The following VWF variants were observed in gnomAD, a reference collection of about 807,000 sequenced individuals.
The protein encoded by VWF is von Willebrand factor.
A neutral mutation model predicts 308.6 loss-of-function variants in VWF; 176 were observed. The ratio of observed to expected loss-of-function variants is 0.57; its 90% CI spans 0.50 to 0.65. VWF has a LOEUF of 0.65. VWF is among the 30% of genes least tolerant of loss of function. The pLI is 0.00. For missense variants in VWF, 3,146 were observed against 3,648.2 expected (o/e 0.86, Z 3.55); for synonymous variants, 1,385 against 1,443.4 (o/e 0.96, Z 0.92).
At chr12:6,078,406 G>T (rs1944868944) in intron 6 of VWF, among the ~76,000 whole-genome samples, 1 of 152,134 alleles carries the variant, frequency 6.6e-6, no homozygotes. Context: ...GGAGACTGAG[G>T]CCTGTGTCTT....
intron 43 of VWF, among the ~76,000 whole-genome samples, chr12:5,972,736 G>T (rs146477879): frequency 2.6e-5 from 4 of 152,282 alleles, no homozygotes; most frequent in Non-Finnish European, 5.9e-5. Flanking sequence ...CAAGATTCTA[G>T]TCATTTACTG....
chr12:6,036,580 C>T lies in VWF; in HGVS notation c.2443-89G>A, dbSNP rs1282163709. 11 of 1,259,058 alleles carry T rather than the reference C, an allele frequency of 8.7e-6. No homozygotes were observed. The South Asian group carries it at 8.7e-5, about 10-fold the overall frequency. 78.0% of individuals were successfully genotyped at this position (1,259,058 alleles called of 1,614,324 possible). Reference sequence around the variant, plus strand: ...CCGCTCCAGGAAGTGTTGTCTGAGACTTGAGCCTACGGGTAAGCCCAGCAC... The same window carrying T: ...CCGCTCCAGGAAGTGTTGTCTGAGATTTGAGCCTACGGGTAAGCCCAGCAC... On this transcript the variant is annotated intron_variant, in intron 18 of 51. Transcript: ENST00000261405.
At chr12:6,092,047 T>G (rs1022698246) in intron 6 of VWF, among the ~76,000 whole-genome samples, 3 of 152,204 alleles carry the variant, frequency 2.0e-5, no homozygotes, top group African/African-American at 7.2e-5. Context: ...CAAAGGCAAC[T>G]GTGGCCTGTC....
Position 6,057,942 on chromosome 12 carries a change from C to A in VWF, c.1636G>T (p.Val546Leu), listed in dbSNP as rs747270990. 5 of 1,613,638 alleles carry A rather than the reference C, an allele frequency of 3.1e-6. No homozygotes were observed. The African/African-American group carries it at 6.7e-5, about 22-fold the overall frequency. ...TTCCAGGCGTTCCCGAAGTCCTCCACCCGGGGCTCCGCCAGCCCAGAGGGG... is the reference window on the plus strand; with the variant it reads ...TTCCAGGCGTTCCCGAAGTCCTCCAACCGGGGCTCCGCCAGCCCAGAGGGG... ...LTPSGLAEPRVEDFGNAWKLH... is the reference protein window; with the variant it reads ...LTPSGLAEPRLEDFGNAWKLH... Residue 546 changes from valine (V) to leucine (L), a missense_variant, in exon 14 of 52, where the codon GTG (valine) becomes TTG (leucine). Val to Leu is a conservative substitution (Grantham distance 32). This residue lies in a region of VWF where 1,304 missense variants were observed against 1,353.0 expected (regional missense o/e 0.96). Coordinates refer to ENST00000261405, the MANE Select transcript of VWF (RefSeq NM_000552.5).
chr12:5,981,655 C>T, intron 42 of VWF, 131 bp downstream of exon 42: 1 of 1,049,934 alleles, frequency 9.5e-7, no homozygotes, highest in Non-Finnish European at 1.4e-6. Flanking sequence ...CCATGAGGAG[C>T]ACATGTTGCT....
chr12:6,029,249 T>C, intron 22 of VWF, 93 bp downstream of exon 22: 2 of 1,553,014 alleles, frequency 1.3e-6, no homozygotes, highest in East Asian at 4.5e-5. Context: ...GCACCTGGAT[T>C]CATAAAGCAA....
chr12:6,019,825 C>A lies in VWF; in HGVS notation c.3675-82G>T. 7.0e-7 allele frequency: 1 copy of A among 1,421,224 alleles called. No homozygotes were observed. The allele number at this position is 1,421,224 out of a possible 1,614,324, so 88.0% of individuals were successfully genotyped here. On this transcript the variant is annotated intron_variant, in intron 27 of 51. Transcript: ENST00000261405. This position sits in a 1 kb window ranked among gnomAD's most constrained non-coding sequence, Gnocchi z 5.8. ...GAGCCCTACAGTGTACAATGACTTC[C>A]ATATTCCCACAGAATCTCCTCTGTT...
chr12:6,071,488 A>G (rs1944781869), intron 9 of VWF, 145 bp from the exon 10 acceptor site: 2 of 920,308 alleles, frequency 2.2e-6, no homozygotes, highest in East Asian at 2.5e-5. Context: ...GAATCTTCAT[A>G]GGGTTAAAAT....
chr12:6,044,974 C>T (rs914158862), intron 17 of VWF, among the ~76,000 whole-genome samples: 1 of 152,176 alleles, frequency 6.6e-6, no homozygotes, highest in Admixed American at 6.5e-5. Context: ...CATCCCTGGA[C>T]ACTCCAATCT....
Position 6,058,180 on chromosome 12 carries a change from C to T in VWF, c.1534-136G>A, listed in dbSNP as rs1392025804. On this transcript the variant is annotated intron_variant, in intron 13 of 51. Transcript: ENST00000261405. The surrounding 1 kb of genome is among the most constrained non-coding windows in gnomAD (Gnocchi z 4.9). ...TAAATATGAATGTAATAAAAGGCAG[C>T]TAAGCCCTAGGCTGCAAAAGGGGGG... 2.9e-6 allele frequency: 3 copies of T among 1,051,118 alleles called. No homozygotes were observed. The highest frequency in any genetic ancestry group is 1.4e-6 in the Non-Finnish European group (1 of 734,422). The allele number at this position is 1,051,118 out of a possible 1,614,324, so 65.1% of individuals were successfully genotyped here.
intron 8 of VWF, among the ~76,000 whole-genome samples, chr12:6,072,956 G>A (rs957708124): frequency 6.6e-6 from 1 of 150,826 alleles, no homozygotes; most frequent in Non-Finnish European, 1.5e-5. Context: ...AACTTCCGCC[G>A]CCTGGGTTCA....
chr12:6,065,138 T>C lies in VWF; in HGVS notation c.1292A>G (p.Gln431Arg), dbSNP rs552315432. ...HSFSIVIETVQCADDRDAVCT... is the reference protein window; with the variant it reads ...HSFSIVIETVRCADDRDAVCT... ...AGCAGCCGGGCTGGCAAAGCTCACC[T>C]GGACAGTCTCAATGACAATGGAGAA... The change falls in exon 11 of 52, where the codon CAG becomes CGG. Residue 431 changes from glutamine to arginine, a missense_variant and splice_region_variant. Gln to Arg is a conservative substitution (Grantham distance 43). Coordinates refer to ENST00000261405, the MANE Select transcript of VWF (RefSeq NM_000552.5). 1.2e-6 allele frequency: 2 copies of C among 1,614,224 alleles called. No individual in the cohort carries two copies. The highest frequency in any genetic ancestry group is 1.7e-5 in the Admixed American group (1 of 60,036).
chr12:6,073,481 C>A (rs749764383), intron 8 of VWF, 138 bp downstream of exon 8: 1 of 1,231,208 alleles, frequency 8.1e-7, no homozygotes, highest in Non-Finnish European at 1.2e-6. Context: ...TCACGCTGGA[C>A]AAAGACATTT....
rs140849277 is a variant in VWF at position 6,015,344 on chromosome 12, T to C, written c.5455+745A>G. Among the ~76,000 whole-genome samples the C allele has an allele frequency of 7.0e-3, 1,064 of 152,246 alleles. 12 individuals carry two copies. The highest frequency in any genetic ancestry group is 0.041 in the Middle Eastern group (12 of 294). On this transcript the variant is annotated intron_variant, in intron 31 of 51. Transcript: ENST00000261405. ...CATTTTGAGTAGCTCATATGTGACA[T>C]AGAGAACGGAGCAAATAACTTCCTC...
At chr12:5,962,611 C>T (rs900980599) in intron 47 of VWF, among the ~76,000 whole-genome samples, 8 of 106,514 alleles carry the variant, frequency 7.5e-5, no homozygotes, top group African/African-American at 1.0e-4. Context: ...GGTACAATCT[C>T]GGCTCACTGC....
chr12:6,080,644 T>A (rs1944899016), intron 6 of VWF, among the ~76,000 whole-genome samples: 1 of 152,128 alleles, frequency 6.6e-6, no homozygotes, highest in Non-Finnish European at 1.5e-5. Context: ...TCCAGCCCAG[T>A]CTTGCCGACA....
At chr12:5,993,377 T>C (rs1198217545) in intron 37 of VWF, among the ~76,000 whole-genome samples, 1 of 152,152 alleles carries the variant, frequency 6.6e-6, no homozygotes, top group Non-Finnish European at 1.5e-5. Flanking sequence ...CTGAGAAGAC[T>C]CTTGGCAACC....
chr12:6,053,265 G>A (rs190685159), intron 15 of VWF, among the ~76,000 whole-genome samples: 1 of 152,290 alleles, frequency 6.6e-6, no homozygotes, highest in Admixed American at 6.5e-5. Flanking sequence ...CCTACTGAAT[G>A]CCTTGCTCTT....
chr12:5,949,858 G>A lies in VWF; in HGVS notation c.8181C>T (p.Ile2727=), dbSNP rs1446048065. ...CCTTGACATACTGCAGCCTGGCAGT[G>A]ATGTCGTTGCACTCAGGCTCCTCAC... ...DTCEEPECND[I]TARLQYVKVG... The change falls in exon 51 of 52, where the codon ATC becomes ATT. Residue 2727 remains isoleucine, a synonymous_variant. Transcript: ENST00000261405. 2 of 1,613,914 alleles carry A rather than the reference G, an allele frequency of 1.2e-6. No individual in the cohort carries two copies. Among genetic ancestry groups the A allele is most frequent in the African/African-American group, 1.3e-5 (1 of 75,028 alleles).
Sources: allele counts gnomAD v4.1 joint callset (sites outside exome capture counted in the v4.1 genomes callset), GRCh38; gene constraint gnomAD v4.1.1; regional missense constraint gnomAD v4.1.1; non-coding constraint Gnocchi (gnomAD v3.1); transcripts MANE v1.5; gene names NCBI Gene and HGNC (gene_info 2026-07-23, HGNC 2026-07-21).